The following SF3B2 variants were observed in gnomAD, a reference collection of about 807,000 sequenced individuals.
SF3B2 encodes splicing factor 3b subunit 2, also known as SAP 145.
A neutral mutation model predicts 116.3 loss-of-function variants in SF3B2; 22 were observed. That is an observed-to-expected ratio of 0.19 (90% CI 0.14 to 0.27). The LOEUF is 0.27. Among genes scored for constraint, SF3B2 ranks in the 10% least tolerant of loss-of-function variants. SF3B2 has a pLI of 1.00. For synonymous variants in SF3B2, 406 were observed against 421.6 expected (o/e 0.96, Z 0.45); for missense variants, 767 against 1,151.4 (o/e 0.67, Z 4.83).
chr11:66,055,628 G>C, intron 5 of SF3B2, 43 bp downstream of exon 5: 1 of 1,590,898 alleles, frequency 6.3e-7, no homozygotes, highest in Non-Finnish European at 8.6e-7. Context: ...GGTCCAGTCA[G>C]TTGGCTGTCA....
At position 66,063,631 on chromosome 11, in the gene SF3B2, C is replaced by G; in HGVS notation, c.2232C>G (p.Gly744=). 1 of 1,612,412 alleles carries G rather than the reference C, an allele frequency of 6.2e-7. No individual in the cohort carries two copies. The highest frequency in any genetic ancestry group is 1.1e-5 in the South Asian group (1 of 90,826). The part of the protein sequence containing the change: ...ETGFITPADS[G]LITPGGFSSV... Reference sequence around the variant, plus strand: ...GAGCTTGTTCCTCTCTTTACAGTGGCCTTATCACTCCTGGAGGCTTTTCAT... The same window carrying G: ...GAGCTTGTTCCTCTCTTTACAGTGGGCTTATCACTCCTGGAGGCTTTTCAT... Residue 744 remains glycine (G), a synonymous_variant, in exon 19 of 22, where the codon GGC becomes GGG. Transcript: ENST00000322535.
At chr11:66,053,213 C>T in intron 3 of SF3B2, 109 bp downstream of exon 3, 1 of 1,015,100 alleles carries the variant, frequency 9.9e-7, no homozygotes, top group East Asian at 2.4e-5. Context: ...CACCCTTGCA[C>T]ATTACTCGCC....
Position 66,060,690 on chromosome 11 carries a change from A to T in SF3B2, c.1738A>T (p.Thr580Ser). 1 of 1,614,212 alleles carries T rather than the reference A, an allele frequency of 6.2e-7. No individual in the cohort carries two copies. Among genetic ancestry groups the T allele is most frequent in the African/African-American group, 1.3e-5 (1 of 75,054 alleles). Residue 580 changes from threonine (T) to serine (S), a missense_variant, in exon 14 of 22, where the codon ACC (threonine) becomes TCC (serine). By Grantham distance (58) the Thr-to-Ser change is moderately conservative. Transcript: ENST00000322535. ...KLHDAFFKWQ[T>S]KPKLTIHGDL... is the part of the protein sequence containing the mutation. ...GCATGATGCCTTCTTCAAGTGGCAG[A>T]CCAAGCCAAAGCTGACCATCCATGG... is the stretch of plus-strand genomic sequence containing the variant.
At chr11:66,061,365 A>G (rs139825869) in intron 14 of SF3B2, among the ~76,000 whole-genome samples, 8 of 152,278 alleles carry the variant, frequency 5.3e-5, no homozygotes, top group Admixed American at 5.2e-4. Context: ...GTTTTTTCTG[A>G]TCCTTGAAAT....
At chr11:66,052,895 G>A in intron 2 of SF3B2, 132 bp from the exon 3 acceptor site, 1 of 1,221,454 alleles carries the variant, frequency 8.2e-7, no homozygotes, top group African/African-American at 1.5e-5. Context: ...TATCCATCTT[G>A]GTCCTCTTCA....
At chr11:66,065,811 A>G (rs940936054) in intron 19 of SF3B2, 2 of 152,142 alleles carry the variant, frequency 1.3e-5, no homozygotes, top group South Asian at 4.1e-4. Context: ...TTTTAAATCT[A>G]TTCTTTCTCT....
intron 16 of SF3B2, 124 bp downstream of exon 16, chr11:66,062,122 C>G (rs1370969982): frequency 8.1e-6 from 6 of 744,116 alleles, no homozygotes. Context: ...ATTTTATTGA[C>G]ATAATATTTG....
At chr11:66,063,951 T>C (rs1857137468) in intron 19 of SF3B2, among the ~76,000 whole-genome samples, 1 of 152,116 alleles carries the variant, frequency 6.6e-6, no homozygotes, top group Admixed American at 6.5e-5. Context: ...CAGAGGAAAC[T>C]GGGTAATGGG....
At chr11:66,068,491 C>T (rs900409577) in intron 21 of SF3B2, 158 bp downstream of exon 21, 6 of 913,184 alleles carry the variant, frequency 6.6e-6, no homozygotes, top group Non-Finnish European at 9.9e-6. Flanking sequence ...CTCCAGTGGG[C>T]TGCCCTCTTT....
rs1380159340 is a variant in SF3B2 at position 66,059,266 on chromosome 11, T to C, written c.1248T>C (p.Ser416=). ...EPEKLDKLEN[S]AAPKKKGFEE... ...AGAAACTTGACAAACTGGAGAACTC[T>C]GCAGCCCCCAAGAAGAAGGGATTTG... is the stretch of plus-strand genomic sequence containing the variant. The change falls in exon 11 of 22, where the codon TCT becomes TCC. Residue 416 remains serine, a synonymous_variant. Transcript: ENST00000322535. This position sits in a 1 kb window ranked among gnomAD's most constrained non-coding sequence, Gnocchi z 5.0. 1 of 1,613,986 alleles carries C rather than the reference T, an allele frequency of 6.2e-7. No individual in the cohort carries two copies. The highest frequency in any genetic ancestry group is 1.1e-5 in the South Asian group (1 of 91,054).
chr11:66,053,206 C>G (rs1485090588), intron 3 of SF3B2, 102 bp downstream of exon 3: 19 of 1,077,648 alleles, frequency 1.8e-5, no homozygotes, highest in Non-Finnish European at 2.5e-5. Flanking sequence ...GATGTGACAC[C>G]CTTGCACATT....
intron 13 of SF3B2, 70 bp from the exon 14 acceptor site, chr11:66,060,511 GT>G: frequency 8.3e-6 from 13 of 1,568,018 alleles, no homozygotes; most frequent in Non-Finnish European, 1.0e-5. Context: ...CTCATTTGGA[GT>G]TGGGAGCTGG....
chr11:66,064,086 T>G (rs557047702), intron 19 of SF3B2, among the ~76,000 whole-genome samples: 29 of 152,252 alleles, frequency 1.9e-4, no homozygotes, highest in African/African-American at 6.7e-4. Flanking sequence ...TGCAAGCAAG[T>G]GCAAAGGCAC....
In SF3B2 at chr11:66,068,808, CA is replaced by C; in HGVS notation, c.*64del. ...GGATGCCTGGGCTTCACACAAGAAC[CA>C]CCTCTCCCGCAGTTCCCAAGGACTT... On this transcript the variant is annotated 3_prime_UTR_variant, in exon 22 of 22. Coordinates refer to ENST00000322535, the MANE Select transcript of SF3B2 (RefSeq NM_006842.3). 2.3e-6 allele frequency: 3 copies of C among 1,284,544 alleles called. No homozygotes were observed. Among genetic ancestry groups the C allele is most frequent in the Non-Finnish European group, 3.4e-6 (3 of 886,734 alleles). The allele number at this position is 1,284,544 out of a possible 1,614,324, so 79.6% of individuals were successfully genotyped here. A position where few individuals can be genotyped will look rare whatever the true frequency, so the allele number is the denominator to read the frequency against.
Position 66,060,742 on chromosome 11 carries a change from G to A in SF3B2, c.1779+11G>A, listed in dbSNP as rs781092824. 1.9e-6 allele frequency: 3 copies of A among 1,613,776 alleles called. No individual in the cohort carries two copies. The Admixed American group carries it at 5.0e-5, about 27-fold the overall frequency. ...GACCTGTACTATGAGGTTCGGGAGG[G>A]GGCTGGGAGAGGTCAGGCTGGGCCT... is the stretch of plus-strand genomic sequence containing the variant. On this transcript the variant is annotated intron_variant, in intron 14 of 21. Transcript: ENST00000322535.
chr11:66,054,207 G>A (rs1856950569), intron 3 of SF3B2, among the ~76,000 whole-genome samples: 1 of 151,436 alleles, frequency 6.6e-6, no homozygotes, highest in Non-Finnish European at 1.5e-5. Flanking sequence ...GCAGGGCATG[G>A]TGGCTCATGC....
chr11:66,068,609 C>T (rs909973181), intron 21 of SF3B2, 65 bp from the exon 22 acceptor site: 27 of 1,401,430 alleles, frequency 1.9e-5, no homozygotes, highest in Non-Finnish European at 2.7e-5. Flanking sequence ...GGCTGCCCAC[C>T]CTTGTTTTGG....
At chr11:66,058,493 A>G (rs1010934796) in intron 9 of SF3B2, 88 bp downstream of exon 9, 21 of 1,012,358 alleles carry the variant, frequency 2.1e-5, no homozygotes, top group Non-Finnish European at 2.9e-5. Flanking sequence ...TCAGTAAGTA[A>G]TAGCTTCTAT....
intron 5 of SF3B2, 111 bp downstream of exon 5, chr11:66,055,696 C>A: frequency 1.0e-6 from 1 of 960,966 alleles, no homozygotes; most frequent in Non-Finnish European, 1.6e-6. Context: ...TTGTTCTCAA[C>A]TAAGTTCTAG....
Sources: gnomAD v4.1 joint callset for allele counts (sites outside exome capture counted in the v4.1 genomes callset) on GRCh38, gnomAD v4.1.1 for gene constraint, Gnocchi (gnomAD v3.1) non-coding constraint, MANE v1.5 for transcripts, NCBI Gene and HGNC (gene_info 2026-07-23, HGNC 2026-07-21) for gene names.